The following RNF150 variants were observed in gnomAD, a reference collection of about 807,000 sequenced individuals.
RNF150 encodes ring finger protein 150.
RNF150 carries 24 observed loss-of-function variants against 39.3 expected under a neutral mutation model. The observed-to-expected ratio is 0.61, with a 90% CI of 0.44 to 0.86. RNF150 has a LOEUF of 0.86. Ranked by LOEUF, RNF150 falls within the 40% of genes least tolerant of loss-of-function variation. RNF150 has a pLI of 0.00. For missense variants in RNF150, 502 were observed against 587.8 expected (o/e 0.85, Z 1.51); for synonymous variants, 255 against 227.3 (o/e 1.12, Z -1.10).
Position 141,132,484 on chromosome 4 carries a change from C to A in RNF150, c.325G>T (p.Ala109Ser). The part of the protein sequence containing the change: ...RLACDPNTKF[A>S]APTRGKNWIA... ...CAGTTCTTGCCGCGGGTCGGGGCGG[C>A]GAACTTGGTGTTGGGGTCGCAGGCC... The change falls in exon 1 of 7, where the codon GCC becomes TCC. Residue 109 changes from alanine to serine, a missense_variant. By Grantham distance (99) the Ala-to-Ser change is moderately conservative. Coordinates refer to ENST00000515673, the MANE Select transcript of RNF150 (RefSeq NM_020724.2). The surrounding 1 kb of genome is among the most constrained non-coding windows in gnomAD (Gnocchi z 4.9). 2 of 1,607,764 alleles carry A rather than the reference C, an allele frequency of 1.2e-6. No individual in the cohort carries two copies. The highest frequency in any genetic ancestry group is 1.7e-6 in the Non-Finnish European group (2 of 1,177,926).
Position 141,025,152 on chromosome 4 carries a change from T to A in RNF150, c.485-57279A>T, listed in dbSNP as rs552970240. On this transcript the variant is annotated intron_variant, in intron 1 of 6. Transcript: ENST00000515673. Reference sequence around the variant, plus strand: ...TCAAGAAATTCTGATTACAGAAGTATCATAGAGCCTATAAAATAAGTACAC... The same window carrying A: ...TCAAGAAATTCTGATTACAGAAGTAACATAGAGCCTATAAAATAAGTACAC... 7.9e-5 allele frequency among the ~76,000 whole-genome samples: 12 copies of A among 152,268 alleles called. No individual in the cohort carries two copies. The South Asian group carries it at 1.9e-3, about 24-fold the overall frequency.
intron 1 of RNF150, among the ~76,000 whole-genome samples, chr4:141,187,066 T>C (rs905370998): frequency 2.0e-5 from 3 of 152,240 alleles, no homozygotes; most frequent in South Asian, 2.1e-4. Context: ...TTTGTTCTCA[T>C]TGGTTTCAAA....
chr4:141,104,214 A>T (rs1739119505), intron 1 of RNF150, among the ~76,000 whole-genome samples: 1 of 152,162 alleles, frequency 6.6e-6, no homozygotes, highest in Admixed American at 6.6e-5. Context: ...TGAAGAATGA[A>T]GATGACTCCA....
At chr4:140,965,514 G>T (rs1229068716) in intron 2 of RNF150, among the ~76,000 whole-genome samples, 2 of 152,086 alleles carry the variant, frequency 1.3e-5, no homozygotes, top group Non-Finnish European at 2.9e-5. Flanking sequence ...TCCACTGAAG[G>T]ACGAATGGAT....
chr4:141,114,162 C>A (rs1578743487), intron 1 of RNF150, among the ~76,000 whole-genome samples: 2 of 151,800 alleles, frequency 1.3e-5, no homozygotes, highest in African/African-American at 4.8e-5. Context: ...AAAATCAGAG[C>A]AGAATTGAAG....
intron 1 of RNF150, chr4:141,053,710 T>A (rs1225115410): frequency 7.1e-7 from 1 of 1,418,090 alleles, no homozygotes; most frequent in East Asian, 2.9e-5. Flanking sequence ...CTTCAGGGGC[T>A]GGGCATGAGA....
In RNF150 at chr4:140,876,818, G is replaced by A. The variant is rs1472729589; in HGVS notation, c.1199-8439C>T. ...TACAGACAAGACTCAGCCACATTTGGAAACCCAGCAGGCTTATGATACAAA... is the reference window on the plus strand; with the variant it reads ...TACAGACAAGACTCAGCCACATTTGAAAACCCAGCAGGCTTATGATACAAA... On this transcript the variant is annotated intron_variant, in intron 6 of 6. Coordinates refer to ENST00000515673, the MANE Select transcript of RNF150 (RefSeq NM_020724.2). 3.9e-5 allele frequency among the ~76,000 whole-genome samples: 6 copies of A among 152,310 alleles called. No individual in the cohort carries two copies. In the East Asian group the frequency reaches 1.2e-3, roughly 29 times the overall value.
intron 1 of RNF150, among the ~76,000 whole-genome samples, chr4:141,173,687 C>A (rs1386717013): frequency 2.0e-5 from 3 of 152,204 alleles, no homozygotes; most frequent in South Asian, 4.1e-4. Flanking sequence ...AGCCAGCCAA[C>A]TGCCCTACAG....
intron 1 of RNF150, among the ~76,000 whole-genome samples, chr4:141,191,821 T>C (rs533929305): frequency 6.6e-6 from 1 of 152,214 alleles, no homozygotes; most frequent in Non-Finnish European, 1.5e-5. Flanking sequence ...GTCCAGCTCC[T>C]GGTCATCTTA....
At chr4:141,148,269 A>G (rs1229273871) in intron 1 of RNF150, among the ~76,000 whole-genome samples, 1 of 152,176 alleles carries the variant, frequency 6.6e-6, no homozygotes, top group Non-Finnish European at 1.5e-5. Flanking sequence ...GTTAGTTCAG[A>G]TCATCAGTGG....
At chr4:141,166,437 C>G (rs1727605583) in intron 1 of RNF150, among the ~76,000 whole-genome samples, 1 of 152,122 alleles carries the variant, frequency 6.6e-6, no homozygotes, top group Middle Eastern at 3.2e-3. Context: ...GGACTCCTCC[C>G]TAACTCATTT....
intron 1 of RNF150, among the ~76,000 whole-genome samples, chr4:141,163,091 A>G (rs1228082056): frequency 6.6e-6 from 1 of 152,132 alleles, no homozygotes; most frequent in African/African-American, 2.4e-5. Flanking sequence ...TCTGAAGTTG[A>G]CCTGGGATGC....
intron 2 of RNF150, among the ~76,000 whole-genome samples, chr4:140,955,038 C>A (rs1732697673): frequency 1.3e-5 from 2 of 152,088 alleles, no homozygotes; most frequent in South Asian, 4.1e-4. Context: ...TGAAGGGAGG[C>A]CACTGTCAAA....
chr4:141,106,229 G>A (rs1336251050), intron 1 of RNF150, among the ~76,000 whole-genome samples: 1 of 152,118 alleles, frequency 6.6e-6, no homozygotes, highest in East Asian at 1.9e-4. Context: ...CATATCCACT[G>A]TACCCTTGTC....
intron 6 of RNF150, among the ~76,000 whole-genome samples, chr4:140,899,974 C>CTCTCTCTGTGTGTGTGTGTGTGTG (rs1365683071): frequency 6.6e-4 from 46 of 69,208 alleles, no homozygotes; most frequent in African/African-American, 1.8e-3. Context: ...CTCTCTCTCT[C>CTCTCTCTGTGTGTGTGTGTGTGTG]TGTGTGTGTG....
At chr4:141,171,501 G>A (rs1335516499) in intron 1 of RNF150, among the ~76,000 whole-genome samples, 2 of 151,472 alleles carry the variant, frequency 1.3e-5, no homozygotes, top group Admixed American at 1.3e-4. Context: ...AGAAAGTGGG[G>A]ATTCTTACTA....
intron 2 of RNF150, among the ~76,000 whole-genome samples, chr4:140,951,096 A>T (rs936881138): frequency 6.6e-6 from 1 of 152,174 alleles, no homozygotes; most frequent in Non-Finnish European, 1.5e-5. Flanking sequence ...ACTTCAGCTG[A>T]AATCATTTCT....
intron 1 of RNF150, among the ~76,000 whole-genome samples, chr4:141,126,698 G>A (rs2111098918): frequency 6.6e-6 from 1 of 152,234 alleles, no homozygotes; most frequent in Non-Finnish European, 1.5e-5. Context: ...CCCAGTTACT[G>A]GGTTTTCTGA....
chr4:141,193,234 A>C (rs1170826921), intron 1 of RNF150, among the ~76,000 whole-genome samples: 3 of 152,246 alleles, frequency 2.0e-5, no homozygotes, highest in Admixed American at 2.0e-4. Context: ...CCTAGCACAT[A>C]ATAAGCATTC....
Sources: gnomAD v4.1 joint callset for allele counts (sites outside exome capture counted in the v4.1 genomes callset) on GRCh38, gnomAD v4.1.1 for gene constraint, Gnocchi (gnomAD v3.1) non-coding constraint, MANE v1.5 for transcripts, NCBI Gene and HGNC (gene_info 2026-07-23, HGNC 2026-07-21) for gene names.